Variants in MAS1 observed in about 807,000 individuals in gnomAD.
MAS1 encodes proto-oncogene Mas.
For synonymous variants in MAS1, 163 were observed against 164.2 expected, an observed-to-expected ratio of 0.99 and a Z score of 0.05; for missense variants, 387 against 409.7, an observed-to-expected ratio of 0.94 and a Z score of 0.48.
In MAS1 at chr6:159,907,093, G is replaced by C. The variant is rs772645660; in HGVS notation, c.138G>C (p.Gly46=). The C allele has an allele frequency of 6.2e-7, 1 of 1,614,206 alleles. No homozygotes were observed. ...TCATTATGAGCATCTCCCCAGTGGGGTTTGTTGAGAATGGGATTCTCCTCT... is the reference window on the plus strand; with the variant it reads ...TCATTATGAGCATCTCCCCAGTGGGCTTTGTTGAGAATGGGATTCTCCTCT... ...HWVIMSISPV[G]FVENGILLWF... is the part of the protein sequence containing the mutation. The change falls in exon 3 of 3, where the codon GGG becomes GGC. Residue 46 remains glycine, a synonymous_variant. Transcript: ENST00000674077.
chr6:159,893,861 G>A (rs1484248961), intron 1 of MAS1, among the ~76,000 whole-genome samples: 1 of 152,120 alleles, frequency 6.6e-6, no homozygotes, highest in African/African-American at 2.4e-5. Context: ...AGGAACCAGG[G>A]CTCCTTGGAG....
rs773782936 is a variant in MAS1 at position 159,907,027 on chromosome 6, A to T, written c.72A>T (p.Ser24=). The T allele has an allele frequency of 6.2e-7, 1 of 1,613,918 alleles. No homozygotes were observed. The highest frequency in any genetic ancestry group is 8.5e-7 in the Non-Finnish European group (1 of 1,179,782). Residue 24 remains serine, a synonymous_variant, in exon 3 of 3, where the codon TCA becomes TCT. Transcript: ENST00000674077. ...ACATCTCAACTGGCAGGAACGCCTC[A>T]GTCGGGAATGCACATCGGCAAATCC... The part of the protein sequence containing the change: ...PTNISTGRNA[S]VGNAHRQIPI...
At chr6:159,889,822 C>T (rs536028381), upstream of MAS1, among the ~76,000 whole-genome samples, 207 of 152,306 alleles carry the variant, frequency 1.4e-3, no homozygotes, top group African/African-American at 4.9e-3. Flanking sequence ...CTTCTCTCCC[C>T]TTTCTTCTTC....
chr6:159,899,040 T>G (rs1040922051), intron 1 of MAS1, 146 bp from the exon 2 acceptor site: 6 of 152,222 alleles, frequency 3.9e-5, no homozygotes, highest in Non-Finnish European at 4.4e-5. Context: ...GGTTTTTCCC[T>G]CTAAAAAGGG....
In MAS1 at chr6:159,907,517, A is replaced by C. The variant is rs778907593; in HGVS notation, c.562A>C (p.Ile188Leu). The C allele has an allele frequency of 3.1e-6, 5 of 1,613,930 alleles. No homozygotes were observed. In the African/African-American group the frequency reaches 6.7e-5, roughly 22 times the overall value. ...CTCTCGGAATGACTGCCGAGCAGTC[A>C]TCATCTTTATAGCCATCCTGAGCTT... The part of the protein sequence containing the change: ...SHSRNDCRAV[I>L]IFIAILSFLV... Residue 188 changes from isoleucine (I) to leucine (L), a missense_variant, in exon 3 of 3, where the codon ATC (isoleucine) becomes CTC (leucine). Coordinates refer to ENST00000674077, the MANE Select transcript of MAS1 (RefSeq NM_002377.4).
At chr6:159,897,209 G>GA (rs1782764567) in intron 1 of MAS1, among the ~76,000 whole-genome samples, 1 of 152,106 alleles carries the variant, frequency 6.6e-6, no homozygotes, top group African/African-American at 2.4e-5. Flanking sequence ...AATTTGGTGT[G>GA]TAGGGCACCA....
intron 2 of MAS1, among the ~76,000 whole-genome samples, chr6:159,901,013 G>A (rs942453407): frequency 6.6e-6 from 1 of 152,148 alleles, no homozygotes; most frequent in African/African-American, 2.4e-5. Flanking sequence ...GTCCAAGATC[G>A]AGGCACCGTC....
chr6:159,894,928 T>G (rs1291059592), intron 1 of MAS1, among the ~76,000 whole-genome samples: 1 of 152,214 alleles, frequency 6.6e-6, no homozygotes, highest in Non-Finnish European at 1.5e-5. Context: ...TGTGTTGTTT[T>G]GGTTATGGGT....
chr6:159,903,165 T>C (rs1782843061), intron 2 of MAS1, among the ~76,000 whole-genome samples: 1 of 152,118 alleles, frequency 6.6e-6, no homozygotes, highest in East Asian at 1.9e-4. Flanking sequence ...ACCTCCGATA[T>C]GTAGCTCCTA....
Position 159,909,016 on chromosome 6 carries a change from G to C in MAS1, c.*1083G>C, listed in dbSNP as rs1313559788. ...TTCATCACACCTGGAAGGAGGCTCA[G>C]TGGCAAGGGCTAATGAAAATGTGGT... On this transcript the variant is annotated 3_prime_UTR_variant, in exon 3 of 3. Transcript: ENST00000674077. The C allele has an allele frequency of 6.6e-6, 1 of 150,434 alleles. No individual in the cohort carries two copies. Among genetic ancestry groups the C allele is most frequent in the East Asian group, 2.0e-4 (1 of 5,126 alleles). 9.3% of individuals were successfully genotyped at this position (150,434 alleles called of 1,614,324 possible). A position where few individuals can be genotyped will look rare whatever the true frequency, so the allele number is the denominator to read the frequency against.
Position 159,907,007 on chromosome 6 carries a change from T to A in MAS1, c.52T>A (p.Ser18Thr), listed in dbSNP as rs1782895200. 13 of 1,612,646 alleles carry A rather than the reference T, an allele frequency of 8.1e-6. No homozygotes were observed. In the East Asian group the frequency reaches 2.9e-4, roughly 36 times the overall value. The change falls in exon 3 of 3, where the codon TCA becomes ACA. Residue 18 changes from serine (S) to threonine (T), a missense_variant. Ser to Thr is a moderately conservative substitution (Grantham distance 58). Coordinates refer to ENST00000674077, the MANE Select transcript of MAS1 (RefSeq NM_002377.4). ...TGTTGTTGAGGAACCCACGAACATC[T>A]CAACTGGCAGGAACGCCTCAGTCGG... ...SFVVEEPTNI[S>T]TGRNASVGNA...
intron 1 of MAS1, among the ~76,000 whole-genome samples, chr6:159,893,014 G>T (rs543880085): frequency 6.6e-6 from 1 of 152,188 alleles, no homozygotes; most frequent in Non-Finnish European, 1.5e-5. Context: ...CCAAGCAGCC[G>T]TAGGCACAAG....
chr6:159,897,223 A>G (rs1402255817), intron 1 of MAS1, among the ~76,000 whole-genome samples: 1 of 151,688 alleles, frequency 6.6e-6, no homozygotes, highest in Non-Finnish European at 1.5e-5. Context: ...GGCACCAGGG[A>G]ATGTGGAGTG....
Position 159,906,963 on chromosome 6 carries a change from G to T in MAS1, c.8G>T (p.Gly3Val), listed in dbSNP as rs1454205750. 6.2e-7 allele frequency: 1 copy of T among 1,603,032 alleles called. No homozygotes were observed. Among genetic ancestry groups the T allele is most frequent in the Non-Finnish European group, 8.5e-7 (1 of 1,170,982 alleles). MD[G>V]SNVTSFVVEE... is the part of the protein sequence containing the mutation. ...CCAACCTGAGGCCTCCTCATGGATGGGTCAAACGTGACATCATTTGTTGTT... is the reference window on the plus strand; with the variant it reads ...CCAACCTGAGGCCTCCTCATGGATGTGTCAAACGTGACATCATTTGTTGTT... The change falls in exon 3 of 3, where the codon GGG (glycine) becomes GTG (valine). Residue 3 changes from glycine to valine, a missense_variant. Coordinates refer to ENST00000674077, the MANE Select transcript of MAS1 (RefSeq NM_002377.4).
chr6:159,900,225 G>A (rs1287204659), intron 2 of MAS1, among the ~76,000 whole-genome samples: 1 of 152,088 alleles, frequency 6.6e-6, no homozygotes, highest in Non-Finnish European at 1.5e-5. Flanking sequence ...TCTGCTGTTG[G>A]GGAAGGCTCA....
chr6:159,906,774 C>A, intron 2 of MAS1, 146 bp from the exon 3 acceptor site: 1 of 630,554 alleles, frequency 1.6e-6, no homozygotes, highest in Non-Finnish European at 2.7e-6. Context: ...CTAATCTTAT[C>A]ATTGTGACAA....
At chr6:159,905,183 T>A (rs1782870369) in intron 2 of MAS1, among the ~76,000 whole-genome samples, 1 of 152,248 alleles carries the variant, frequency 6.6e-6, no homozygotes, top group South Asian at 2.1e-4. Context: ...TTGTTTTATT[T>A]ACTGCCATGT....
chr6:159,904,912 A>T (rs1186477777), intron 2 of MAS1, among the ~76,000 whole-genome samples: 1 of 151,958 alleles, frequency 6.6e-6, no homozygotes, highest in Non-Finnish European at 1.5e-5. Flanking sequence ...TGCCTGGAAT[A>T]CTTTTCCCCC....
In MAS1 at chr6:159,911,011, T is replaced by C. The variant is rs1473432167; in HGVS notation, c.*3078T>C. The C allele has an allele frequency of 6.6e-6, 1 of 152,250 alleles. No homozygotes were observed. The highest frequency in any genetic ancestry group is 1.5e-5 in the Non-Finnish European group (1 of 68,058). The allele number at this position is 152,250 out of a possible 1,614,324, so 9.4% of individuals were successfully genotyped here. A position where few individuals can be genotyped will look rare whatever the true frequency, so the allele number is the denominator to read the frequency against. On this transcript the variant is annotated 3_prime_UTR_variant, in exon 3 of 3. Coordinates refer to ENST00000674077, the MANE Select transcript of MAS1 (RefSeq NM_002377.4). The stretch of plus-strand genomic sequence containing the variant: ...TGCTACATTTTTCTCCAGCTCTCTT[T>C]TTGAATCCTATCTTCCTGATTGGAA...
Sources: allele counts gnomAD v4.1 joint callset (sites outside exome capture counted in the v4.1 genomes callset), GRCh38; gene constraint gnomAD v4.1.1; transcripts MANE v1.5; gene names NCBI Gene and HGNC (gene_info 2026-07-23, HGNC 2026-07-21).